LIPC: variants seen among roughly 807,000 people sequenced by gnomAD.
The protein encoded by LIPC is hepatic triacylglycerol lipase.
A neutral mutation model predicts 50.7 loss-of-function variants in LIPC; 44 were observed. That is an observed-to-expected ratio of 0.87 (90% CI 0.68 to 1.11). The LOEUF (loss-of-function observed/expected upper bound fraction) is 1.11, where lower values mean the gene tolerates loss of function less well. Among genes scored for constraint, LIPC ranks in the 50% most tolerant of loss-of-function variants. The pLI, the probability that LIPC is intolerant of heterozygous loss-of-function variation, is 0.00. For synonymous variants in LIPC, 271 were observed against 256.4 expected, an observed-to-expected ratio of 1.06 and a Z score of -0.54; for missense variants, 697 against 648.2, an observed-to-expected ratio of 1.08 and a Z score of -0.82.
At chr15:58,452,570 T>A (rs113701682) in intron 1 of LIPC, among the ~76,000 whole-genome samples, 1,702 of 152,358 alleles carry the variant, frequency 0.011, 35 homozygotes, top group African/African-American at 0.038. Context: ...ATTAAGTTAT[T>A]TTACTTTATT....
intron 1 of LIPC, among the ~76,000 whole-genome samples, chr15:58,515,742 G>C (rs1220984071): frequency 6.6e-6 from 1 of 152,072 alleles, no homozygotes; most frequent in Non-Finnish European, 1.5e-5. Flanking sequence ...AGGTATTTTT[G>C]AGAAAAATCA....
chr15:58,474,025 T>A (rs1890898186), intron 1 of LIPC: 1 of 152,272 alleles, frequency 6.6e-6, no homozygotes, highest in African/African-American at 2.4e-5. Flanking sequence ...CAGGTACATG[T>A]GCCCACTCAG....
chr15:58,511,876 A>T (rs1892339624), intron 1 of LIPC, among the ~76,000 whole-genome samples: 1 of 152,184 alleles, frequency 6.6e-6, no homozygotes, highest in African/African-American at 2.4e-5. Context: ...CCAATTATTG[A>T]TGTCGTGGGG....
intron 1 of LIPC, among the ~76,000 whole-genome samples, chr15:58,457,639 G>A (rs28574976): frequency 0.018 from 2,772 of 152,258 alleles, 89 homozygotes; most frequent in African/African-American, 0.064. Context: ...TATGACTCAG[G>A]CCGCATCATT....
intron 8 of LIPC, chr15:58,566,019 CA>C: frequency 1.0e-6 from 1 of 985,176 alleles, no homozygotes; most frequent in Non-Finnish European, 1.2e-6. Flanking sequence ...TGGTCCATCC[CA>C]GGGCTTCTCA....
chr15:58,541,885 T>C lies in LIPC; in HGVS notation c.374T>C (p.Leu125Pro), dbSNP rs2140912532. Residue 125 changes from leucine to proline, a missense_variant, in exon 3 of 9, where the codon CTG becomes CCG. Transcript: ENST00000299022. ...VNVGLVDWITLAHDHYTIAVR... is the reference protein window; with the variant it reads ...VNVGLVDWITPAHDHYTIAVR... The stretch of plus-strand genomic sequence containing the variant: ...GTGGGGCTGGTGGACTGGATCACCC[T>C]GGCCCACGACCACTACACCATCGCC... 3.1e-6 allele frequency: 5 copies of C among 1,612,430 alleles called. No individual in the cohort carries two copies. The highest frequency in any genetic ancestry group is 4.2e-6 in the Non-Finnish European group (5 of 1,179,968).
intron 1 of LIPC, among the ~76,000 whole-genome samples, chr15:58,486,420 C>T (rs1165862296): frequency 2.0e-5 from 3 of 152,216 alleles, no homozygotes; most frequent in African/African-American, 7.2e-5. Context: ...CTGCTTATGG[C>T]AAGCCCAGCA....
At chr15:58,449,553 G>A (rs1029157749) in intron 1 of LIPC, among the ~76,000 whole-genome samples, 1 of 150,722 alleles carries the variant, frequency 6.6e-6, no homozygotes, top group Admixed American at 6.6e-5. Context: ...AAATGCATTT[G>A]TTCTTTTTTT....
chr15:58,444,653 T>C (rs1261389856), intron 1 of LIPC, among the ~76,000 whole-genome samples: 1 of 152,196 alleles, frequency 6.6e-6, no homozygotes, highest in East Asian at 1.9e-4. Context: ...CTCCTCTTTT[T>C]ATAAAGACCC....
chr15:58,447,700 T>C (rs970462505), intron 1 of LIPC, among the ~76,000 whole-genome samples: 2 of 152,206 alleles, frequency 1.3e-5, no homozygotes, highest in African/African-American at 2.4e-5. Context: ...ATACAATGAA[T>C]GTTTTTTTAA....
At chr15:58,493,112 GC>G (rs1379302876) in intron 1 of LIPC, among the ~76,000 whole-genome samples, 1 of 151,862 alleles carries the variant, frequency 6.6e-6, no homozygotes, top group Non-Finnish European at 1.5e-5. Context: ...ATCCACCCTG[GC>G]CCCCCATGGT....
chr15:58,492,824 C>T (rs57298109), intron 1 of LIPC, among the ~76,000 whole-genome samples: 39,171 of 152,136 alleles, frequency 0.26, 5,129 homozygotes, highest in South Asian at 0.31. Context: ...TAAACAGGTG[C>T]CTGAGTAAGA....
intron 1 of LIPC, among the ~76,000 whole-genome samples, chr15:58,490,643 G>A (rs1257353718): frequency 2.6e-5 from 4 of 152,182 alleles, no homozygotes; most frequent in African/African-American, 9.7e-5. Context: ...CCACTCTCCA[G>A]TGAATATAAA....
rs190458835 is a variant in LIPC, at chr15:58,437,833, C to A, written c.88+5713C>A. Among the ~76,000 whole-genome samples the A allele has an allele frequency of 4.0e-3, 608 of 152,288 alleles. 1 individual carries two copies. The highest frequency in any genetic ancestry group is 0.014 in the African/African-American group (578 of 41,566). ...AGCAGAGGGCCAGCCCCCAGCATTC[C>A]AGGGAAATTCTATCTTTCCCATGCA... On this transcript the variant is annotated intron_variant, in intron 1 of 8. Transcript: ENST00000299022.
At chr15:58,443,908 C>T (rs1310300560) in intron 1 of LIPC, among the ~76,000 whole-genome samples, 1 of 152,120 alleles carries the variant, frequency 6.6e-6, no homozygotes, top group African/African-American at 2.4e-5. Context: ...TTGCAAAGAA[C>T]CTTCTTCAGG....
At chr15:58,522,935 T>C (rs1340741502) in intron 1 of LIPC, 2 of 152,334 alleles carry the variant, frequency 1.3e-5, no homozygotes, top group Non-Finnish European at 2.9e-5. Flanking sequence ...CATTCGTCAC[T>C]TTTGACACAT....
chr15:58,476,346 T>C (rs531540951), intron 1 of LIPC, among the ~76,000 whole-genome samples: 1 of 152,362 alleles, frequency 6.6e-6, no homozygotes, highest in South Asian at 2.1e-4. Context: ...CTTCTTTTTC[T>C]GTCCCATTTA....
chr15:58,533,967 A>T (rs2034613), intron 1 of LIPC, among the ~76,000 whole-genome samples: 1 of 152,184 alleles, frequency 6.6e-6, no homozygotes, highest in Non-Finnish European at 1.5e-5. Context: ...GGCTAAGGAC[A>T]TACAGTAGGC....
At chr15:58,438,230 G>A (rs1404937442) in intron 1 of LIPC, among the ~76,000 whole-genome samples, 3 of 152,202 alleles carry the variant, frequency 2.0e-5, no homozygotes, top group Admixed American at 2.0e-4. Flanking sequence ...GCACAGCAGG[G>A]AGAGAGGCAG....
Sources: gnomAD v4.1 joint callset for allele counts (sites outside exome capture counted in the v4.1 genomes callset) on GRCh38, gnomAD v4.1.1 for gene constraint, MANE v1.5 for transcripts, NCBI Gene and HGNC (gene_info 2026-07-23, HGNC 2026-07-21) for gene names.